The following NCK2 variants were observed in gnomAD, a reference collection of about 807,000 sequenced individuals.
NCK2 encodes NCK adaptor protein 2, also known as cytoplasmic protein NCK2.
NCK2 carries 16 observed loss-of-function variants against 33.9 expected under a neutral mutation model. The observed-to-expected ratio is 0.47, with a 90% confidence interval of 0.32 to 0.72. The LOEUF is 0.72. Among genes scored for constraint, NCK2 ranks in the 30% least tolerant of loss-of-function variants. NCK2 has a pLI of 0.03. For synonymous variants in NCK2, 273 were observed against 239.9 expected, an observed-to-expected ratio of 1.14 and a Z score of -1.27; for missense variants, 418 against 537.3, an observed-to-expected ratio of 0.78 and a Z score of 2.19.
chr2:105,828,796 G>A (rs1444395731), intron 2 of NCK2, among the ~76,000 whole-genome samples: 1 of 152,164 alleles, frequency 6.6e-6, no homozygotes, highest in African/African-American at 2.4e-5. Flanking sequence ...CTCTCTACAG[G>A]GAAGGACCAT....
chr2:105,831,007 A>G (rs1676164789), intron 2 of NCK2, among the ~76,000 whole-genome samples: 1 of 152,118 alleles, frequency 6.6e-6, no homozygotes, highest in African/African-American at 2.4e-5. Context: ...ATAGTTTGCA[A>G]ATACTTTCCC....
At chr2:105,753,907 A>G (rs917496711) in intron 1 of NCK2, among the ~76,000 whole-genome samples, 3 of 152,154 alleles carry the variant, frequency 2.0e-5, no homozygotes, top group African/African-American at 7.2e-5. Context: ...GTCCAAATGT[A>G]GATTCTTGGG....
intron 2 of NCK2, among the ~76,000 whole-genome samples, 151 bp downstream of exon 2, chr2:105,816,764 G>C (rs1675504679): frequency 2.0e-5 from 3 of 152,156 alleles, no homozygotes; most frequent in Non-Finnish European, 4.4e-5. Context: ...GAGAAAATTA[G>C]ATTATCTCTG....
intron 1 of NCK2, among the ~76,000 whole-genome samples, chr2:105,808,288 T>C (rs192484828): frequency 6.6e-6 from 1 of 152,350 alleles, no homozygotes; most frequent in East Asian, 1.9e-4. Context: ...ATATACCTTA[T>C]TCCAGTTGGA....
intron 2 of NCK2, among the ~76,000 whole-genome samples, chr2:105,820,872 A>G (rs1675702356): frequency 6.6e-6 from 1 of 152,170 alleles, no homozygotes; most frequent in Non-Finnish European, 1.5e-5. Context: ...AGATGACACA[A>G]CTCAAGTTTG....
intron 1 of NCK2, among the ~76,000 whole-genome samples, chr2:105,760,569 A>T (rs1468211971): frequency 6.6e-6 from 1 of 152,026 alleles, no homozygotes; most frequent in Non-Finnish European, 1.5e-5. Flanking sequence ...CACTTCTCCC[A>T]CAGTTTTGAC....
intron 1 of NCK2, among the ~76,000 whole-genome samples, chr2:105,745,422 G>A (rs1027434444): frequency 1.4e-4 from 21 of 151,852 alleles, no homozygotes; most frequent in African/African-American, 1.9e-4. Context: ...CCAAGGGCGC[G>A]GGCGAGGATC....
intron 1 of NCK2, among the ~76,000 whole-genome samples, chr2:105,816,052 A>T (rs547164458): frequency 7.1e-6 from 1 of 140,634 alleles, no homozygotes; most frequent in Non-Finnish European, 1.6e-5. Context: ...TTGCCCAGGG[A>T]ATGAAAGGTG....
At chr2:105,802,149 G>T (rs1354936705) in intron 1 of NCK2, among the ~76,000 whole-genome samples, 7 of 152,188 alleles carry the variant, frequency 4.6e-5, no homozygotes. Flanking sequence ...ATCTGGGAGT[G>T]AGCCAGGATT....
intron 1 of NCK2, among the ~76,000 whole-genome samples, chr2:105,773,841 T>C (rs1254003425): frequency 6.6e-6 from 1 of 152,166 alleles, no homozygotes; most frequent in Non-Finnish European, 1.5e-5. Flanking sequence ...TGGACTGTTG[T>C]CTTTTGTTCT....
Position 105,769,270 on chromosome 2 carries a change from GCC to G in NCK2, c.-201+24135_-201+24136del, listed in dbSNP as rs1471141271. 6.4e-5 allele frequency among the ~76,000 whole-genome samples: 5 copies of G among 78,184 alleles called. No individual in the cohort carries two copies. In the East Asian group the frequency reaches 1.9e-3, roughly 30 times the overall value. The allele number at this position is 78,184 out of a possible 152,430, so 51.3% of individuals were successfully genotyped here. Reference sequence around the variant, plus strand: ...GGCAGCCCTGTCAGCCTGCTGCCCCGCCCCACCCCTCCCCTCCCCATCCCCAG... The same window carrying G: ...GGCAGCCCTGTCAGCCTGCTGCCCCGCCACCCCTCCCCTCCCCATCCCCAG... On this transcript the variant is annotated intron_variant, in intron 1 of 4. Coordinates refer to ENST00000233154, the MANE Select transcript of NCK2 (RefSeq NM_003581.5).
intron 1 of NCK2, among the ~76,000 whole-genome samples, chr2:105,809,848 G>A (rs1386741571): frequency 6.6e-6 from 1 of 152,180 alleles, no homozygotes; most frequent in East Asian, 1.9e-4. Flanking sequence ...CTTCTTGAAT[G>A]AGAGATCTTA....
intron 1 of NCK2, among the ~76,000 whole-genome samples, chr2:105,768,061 G>C (rs1478074206): frequency 6.6e-6 from 1 of 152,210 alleles, no homozygotes; most frequent in Non-Finnish European, 1.5e-5. Context: ...GCCAGTGTGT[G>C]CTAGATGTGT....
At chr2:105,817,764 A>G (rs1675552996) in intron 2 of NCK2, among the ~76,000 whole-genome samples, 1 of 152,186 alleles carries the variant, frequency 6.6e-6, no homozygotes, top group Admixed American at 6.5e-5. Context: ...GTGATCATTA[A>G]AAAGTCAGGA....
chr2:105,862,413 G>A (rs1677577118), intron 3 of NCK2, among the ~76,000 whole-genome samples: 1 of 152,144 alleles, frequency 6.6e-6, no homozygotes, highest in Admixed American at 6.5e-5. Context: ...CCTCAGTAGT[G>A]TTACTAATCA....
chr2:105,872,717 C>T (rs1430865332), intron 3 of NCK2, among the ~76,000 whole-genome samples: 1 of 152,190 alleles, frequency 6.6e-6, no homozygotes, highest in Admixed American at 6.5e-5. Context: ...AGTGTAAATT[C>T]ATGGCAGAGC....
chr2:105,831,104 C>T (rs987820973), intron 2 of NCK2, among the ~76,000 whole-genome samples: 3 of 152,046 alleles, frequency 2.0e-5, no homozygotes, highest in Non-Finnish European at 4.4e-5. Context: ...TCTATGTTTG[C>T]TTTTGTTGCC....
At chr2:105,807,581 C>G (rs181290967) in intron 1 of NCK2, among the ~76,000 whole-genome samples, 111 of 152,256 alleles carry the variant, frequency 7.3e-4, no homozygotes, top group Non-Finnish European at 1.3e-3. Flanking sequence ...GGGTGACCAT[C>G]AGTGACACCA....
chr2:105,815,791 C>G (rs540399337), intron 1 of NCK2, among the ~76,000 whole-genome samples: 1 of 152,224 alleles, frequency 6.6e-6, no homozygotes, highest in Non-Finnish European at 1.5e-5. Flanking sequence ...AGTCTCTAAA[C>G]AATATCCATG....
Sources: gnomAD v4.1 joint callset for allele counts (sites outside exome capture counted in the v4.1 genomes callset) on GRCh38, gnomAD v4.1.1 for gene constraint, MANE v1.5 for transcripts, NCBI Gene and HGNC (gene_info 2026-07-23, HGNC 2026-07-21) for gene names.